Variants in DCC observed in about 807,000 individuals in gnomAD.
DCC encodes the protein netrin receptor DCC.
A neutral mutation model predicts 172.5 loss-of-function variants in DCC; 58 were observed. The ratio of observed to expected loss-of-function variants is 0.34; its 90% CI spans 0.27 to 0.42. DCC has a LOEUF of 0.42. Ranked by LOEUF, DCC falls within the 10% of genes least tolerant of loss-of-function variation. The pLI is 1.00. For synonymous variants in DCC, 709 were observed against 644.5 expected (o/e 1.10, Z -1.52); for missense variants, 1,740 against 1,791.0 (o/e 0.97, Z 0.51).
At position 53,399,099 on chromosome 18, in the gene DCC, T is replaced by C. The variant is rs117490604; in HGVS notation, c.2827+1653T>C. ...TCATTCTGTCCAGATAATGAATCCT[T>C]CATTTGGTTTTGGTTAACTGAAGTA... On this transcript the variant is annotated intron_variant, in intron 18 of 28. Transcript: ENST00000442544. Among the ~76,000 whole-genome samples the C allele has an allele frequency of 7.2e-3, 1,101 of 152,208 alleles. 16 individuals carry two copies. The highest frequency in any genetic ancestry group is 0.026 in the Admixed American group (400 of 15,284).
chr18:53,273,505 A>C (rs1331942370), intron 12 of DCC, among the ~76,000 whole-genome samples: 1 of 152,132 alleles, frequency 6.6e-6, no homozygotes, highest in Non-Finnish European at 1.5e-5. Context: ...TTGAAAAAAC[A>C]AATTATCCAA....
rs116149540 is a variant in DCC, at chr18:52,602,575, T to A, written c.92-149479T>A. ...AAATTTTGTGCATAATATAAACAGT[T>A]AAACTCTTTCTTTAGTAATATGCCT... is the stretch of plus-strand genomic sequence containing the variant. On this transcript the variant is annotated intron_variant, in intron 1 of 28. Transcript: ENST00000442544. Among the ~76,000 whole-genome samples the A allele has an allele frequency of 4.9e-3, 750 of 152,214 alleles. 2 individuals are homozygous for A. The highest frequency in any genetic ancestry group is 0.017 in the African/African-American group (718 of 41,564).
chr18:52,477,204 A>G (rs1989118960), intron 1 of DCC, among the ~76,000 whole-genome samples: 1 of 152,116 alleles, frequency 6.6e-6, no homozygotes, highest in Non-Finnish European at 1.5e-5. Context: ...TCTTCTGTGA[A>G]AGAATGGACT....
In DCC at chr18:52,723,534, T is replaced by C. The variant is rs1015187552; in HGVS notation, c.92-28520T>C. ...AGCCGTCCCTCAGACCTAATTACCA[T>C]TCCCAAAGGGACACGAACACCATAT... On this transcript the variant is annotated intron_variant, in intron 1 of 28. Coordinates refer to ENST00000442544, the MANE Select transcript of DCC (RefSeq NM_005215.4). Among the ~76,000 whole-genome samples the C allele has an allele frequency of 2.6e-5, 4 of 152,084 alleles. No individual in the cohort carries two copies. In the South Asian group the frequency reaches 8.3e-4, roughly 31 times the overall value.
chr18:52,606,587 T>C (rs2034135962), intron 1 of DCC, among the ~76,000 whole-genome samples: 1 of 152,146 alleles, frequency 6.6e-6, no homozygotes. Context: ...AAGATAAAGA[T>C]CGCTATGAAC....
intron 5 of DCC, among the ~76,000 whole-genome samples, chr18:53,045,820 C>T (rs114521689): frequency 2.2e-3 from 327 of 151,898 alleles, no homozygotes; most frequent in African/African-American, 6.9e-3. Context: ...ATGTTTTATT[C>T]CGAATTACCA....
chr18:52,600,634 T>C (rs62083414), intron 1 of DCC, among the ~76,000 whole-genome samples: 51,890 of 152,056 alleles, frequency 0.34, 9,664 homozygotes, highest in Middle Eastern at 0.45. Flanking sequence ...AGATAATCTT[T>C]GCATTTATTA....
At chr18:52,683,005 T>A (rs974544678) in intron 1 of DCC, among the ~76,000 whole-genome samples, 17 of 152,086 alleles carry the variant, frequency 1.1e-4, no homozygotes, top group Non-Finnish European at 1.9e-4. Flanking sequence ...AGGGTATTAC[T>A]GCAGTTTTCT....
intron 2 of DCC, among the ~76,000 whole-genome samples, chr18:52,776,831 A>T (rs2037443822): frequency 6.6e-6 from 1 of 152,224 alleles, no homozygotes; most frequent in Non-Finnish European, 1.5e-5. Context: ...TTATTTAAAC[A>T]TTCAAACTAT....
intron 5 of DCC, among the ~76,000 whole-genome samples, chr18:52,993,108 A>G (rs906935401): frequency 5.9e-5 from 9 of 152,140 alleles, no homozygotes; most frequent in African/African-American, 2.2e-4. Context: ...TCTAGTTGCC[A>G]TAAAGGTAAG....
At chr18:52,994,951 A>G (rs2041454683) in intron 5 of DCC, among the ~76,000 whole-genome samples, 1 of 152,150 alleles carries the variant, frequency 6.6e-6, no homozygotes, top group Non-Finnish European at 1.5e-5. Context: ...TCTCATAACA[A>G]ATACTAACTT....
At chr18:53,298,225 A>C (rs1211354358) in intron 12 of DCC, among the ~76,000 whole-genome samples, 2 of 152,098 alleles carry the variant, frequency 1.3e-5, no homozygotes, top group Non-Finnish European at 2.9e-5. Flanking sequence ...CAGTATGTAC[A>C]TGGAGATTCA....
chr18:53,006,843 C>A (rs1357983633), intron 5 of DCC, among the ~76,000 whole-genome samples: 5 of 152,156 alleles, frequency 3.3e-5, no homozygotes, highest in African/African-American at 1.2e-4. Context: ...TATGTGGCTG[C>A]TGATCCACTT....
In DCC at chr18:53,228,857, C is replaced by T. The variant is rs898072898; in HGVS notation, c.1911+13260C>T. Reference sequence around the variant, plus strand: ...CCCTATTCCCCTAACACACACTCTTCTAGTGCATTATTAGTTGCAGTGTTA... The same window carrying T: ...CCCTATTCCCCTAACACACACTCTTTTAGTGCATTATTAGTTGCAGTGTTA... On this transcript the variant is annotated intron_variant, in intron 12 of 28. Coordinates refer to ENST00000442544, the MANE Select transcript of DCC (RefSeq NM_005215.4). Among the ~76,000 whole-genome samples the T allele has an allele frequency of 5.3e-5, 8 of 152,128 alleles. No homozygotes were observed. In the East Asian group the frequency reaches 1.5e-3, roughly 29 times the overall value.
At chr18:52,908,232 C>G (rs138026867) in intron 3 of DCC, among the ~76,000 whole-genome samples, 1 of 152,164 alleles carries the variant, frequency 6.6e-6, no homozygotes, top group South Asian at 2.1e-4. Flanking sequence ...TTTCCAGGTG[C>G]TTTAATGAGG....
chr18:52,457,254 C>T (rs899311325), intron 1 of DCC, among the ~76,000 whole-genome samples: 7 of 152,062 alleles, frequency 4.6e-5, no homozygotes, highest in South Asian at 2.1e-4. Context: ...AAATCACAAA[C>T]GAGAGGCATC....
At chr18:53,196,284 G>C (rs2055441911) in intron 9 of DCC, among the ~76,000 whole-genome samples, 1 of 152,146 alleles carries the variant, frequency 6.6e-6, no homozygotes, top group Admixed American at 6.5e-5. Flanking sequence ...AACAATTTGA[G>C]ACTTCCACCA....
At chr18:52,428,442 T>C (rs1475243919) in intron 1 of DCC, among the ~76,000 whole-genome samples, 2 of 152,094 alleles carry the variant, frequency 1.3e-5, no homozygotes, top group African/African-American at 4.8e-5. Context: ...TACAACATCA[T>C]AGAAAAAAAG....
In DCC at chr18:53,065,853, C is replaced by T. The variant is rs117971062; in HGVS notation, c.1141-193C>T. Reference sequence around the variant, plus strand: ...TAGGTTAAACTGATGCCTGTGAATTCAGAAAAGAAAATTGGGAAGGTATGA... The same window carrying T: ...TAGGTTAAACTGATGCCTGTGAATTTAGAAAAGAAAATTGGGAAGGTATGA... On this transcript the variant is annotated intron_variant, in intron 6 of 28. Transcript: ENST00000442544. Among the ~76,000 whole-genome samples, 680 of 152,154 alleles carry T rather than the reference C, an allele frequency of 4.5e-3. 4 individuals are homozygous for T. Among genetic ancestry groups the T allele is most frequent in the Admixed American group, 8.3e-3 (127 of 15,276 alleles).
Sources: gnomAD v4.1 joint callset for allele counts (sites outside exome capture counted in the v4.1 genomes callset) on GRCh38, gnomAD v4.1.1 for gene constraint, MANE v1.5 for transcripts, NCBI Gene and HGNC (gene_info 2026-07-23, HGNC 2026-07-21) for gene names.